Variants in MPPED1 observed in about 807,000 individuals in gnomAD.
MPPED1 encodes metallophosphoesterase domain-containing protein 1.
In MPPED1, 16 loss-of-function variants were observed where a neutral mutation model predicts 36.2. The observed-to-expected ratio is 0.44, with a 90% CI of 0.30 to 0.67. The LOEUF (loss-of-function observed/expected upper bound fraction) is 0.67. MPPED1 is among the 30% of genes least tolerant of loss of function. The pLI is 0.10. For synonymous variants in MPPED1, 199 were observed against 191.3 expected (o/e 1.04, Z -0.33); for missense variants, 307 against 453.4 (o/e 0.68, Z 2.93).
chr22:43,474,993 T>A lies in MPPED1; in HGVS notation c.632+32T>A. On this transcript the variant is annotated intron_variant, in intron 4 of 6. Transcript: ENST00000443721. This position sits in a 1 kb window ranked among gnomAD's most constrained non-coding sequence, Gnocchi z 5.2. ...GGGCCTGGGTGCTGGTCCTGCCTGCTGGTGAGACCAGAGCTGAGGCTGAGC... is the reference window on the plus strand; with the variant it reads ...GGGCCTGGGTGCTGGTCCTGCCTGCAGGTGAGACCAGAGCTGAGGCTGAGC... The A allele has an allele frequency of 6.3e-7, 1 of 1,597,134 alleles. No homozygotes were observed. The highest frequency in any genetic ancestry group is 8.6e-7 in the Non-Finnish European group (1 of 1,165,392).
chr22:43,431,431 G>C (rs1187317361), intron 2 of MPPED1, among the ~76,000 whole-genome samples: 1 of 151,994 alleles, frequency 6.6e-6, no homozygotes, highest in Non-Finnish European at 1.5e-5. Flanking sequence ...GGCCTCTGTG[G>C]GTGTCCCACC....
chr22:43,445,558 CTT>C (rs135055), intron 3 of MPPED1, among the ~76,000 whole-genome samples: 31 of 123,864 alleles, frequency 2.5e-4, no homozygotes, highest in Non-Finnish European at 2.9e-4. Context: ...CTGATGTTTC[CTT>C]TTTTTTTTTT....
rs553551664 is a variant in MPPED1 at position 43,440,953 on chromosome 22, C to T, written c.406+5738C>T. Among the ~76,000 whole-genome samples the T allele has an allele frequency of 3.3e-5, 5 of 152,280 alleles. No individual in the cohort carries two copies. The East Asian group carries it at 7.7e-4, about 24-fold the overall frequency. ...TTGTTCCTCATTCCCCTCCTGCCCA[C>T]TGAAGGGGGCTTCTCCTAGGGTCCA... On this transcript the variant is annotated intron_variant, in intron 3 of 6. Transcript: ENST00000443721.
Position 43,424,966 on chromosome 22 carries a change from G to C in MPPED1, c.-20G>C, listed in dbSNP as rs995667191. 6.4e-7 allele frequency: 1 copy of C among 1,562,400 alleles called. No homozygotes were observed. Among genetic ancestry groups the C allele is most frequent in the South Asian group, 1.2e-5 (1 of 85,496 alleles). ...GGTGGCGGCAGCGGTGGGAGATGCC[G>C]GGGCGGCCGGCGGAGGTCCATGTGG... On this transcript the variant is annotated 5_prime_UTR_variant, in exon 2 of 7. Transcript: ENST00000443721.
chr22:43,430,559 GGAA>G (rs1401587068), intron 2 of MPPED1, among the ~76,000 whole-genome samples: 1 of 152,164 alleles, frequency 6.6e-6, no homozygotes, highest in African/African-American at 2.4e-5. Flanking sequence ...GAATCCCATG[GGAA>G]GAAGATCGGT....
At chr22:43,497,373 G>A (rs1432396265) in intron 4 of MPPED1, among the ~76,000 whole-genome samples, 3 of 152,026 alleles carry the variant, frequency 2.0e-5, no homozygotes, top group Non-Finnish European at 4.4e-5. Context: ...ATTGGGAAGT[G>A]CTGAGGTAGG....
intron 4 of MPPED1, among the ~76,000 whole-genome samples, chr22:43,482,730 A>G (rs958562211): frequency 2.0e-5 from 3 of 152,194 alleles, no homozygotes; most frequent in African/African-American, 2.4e-5. Flanking sequence ...CACGGAAGCA[A>G]TATGGGTGGT....
chr22:43,442,144 T>C (rs1208320201), intron 3 of MPPED1, among the ~76,000 whole-genome samples: 1 of 151,908 alleles, frequency 6.6e-6, no homozygotes. Context: ...TCCAGTCTAC[T>C]CTCTGGCCTC....
chr22:43,448,186 TC>T (rs1470472507), intron 3 of MPPED1, among the ~76,000 whole-genome samples: 1 of 152,028 alleles, frequency 6.6e-6, no homozygotes, highest in Non-Finnish European at 1.5e-5. Flanking sequence ...ACTGCGCCCA[TC>T]CTGGGAATCA....
intron 3 of MPPED1, among the ~76,000 whole-genome samples, chr22:43,463,956 T>C (rs1931070982): frequency 1.3e-5 from 2 of 151,758 alleles, no homozygotes; most frequent in Admixed American, 1.3e-4. Context: ...TTGCCCAGGC[T>C]GGGGTGTAGT....
intron 3 of MPPED1, among the ~76,000 whole-genome samples, chr22:43,441,819 G>T (rs992194822): frequency 6.6e-6 from 1 of 152,214 alleles, no homozygotes; most frequent in Non-Finnish European, 1.5e-5. Flanking sequence ...TTTGGTTCTT[G>T]CCTCATTTGC....
rs1268810026 is a variant in MPPED1 at position 43,474,740 on chromosome 22, C to T, written c.411C>T (p.Ser137=). ...TGTCTGTGTCCACCCCTGCAGGCAGCCTGCCCTACGAGTACAAGATCGTGA... is the reference window on the plus strand; with the variant it reads ...TGTCTGTGTCCACCCCTGCAGGCAGTCTGCCCTACGAGTACAAGATCGTGA... The part of the protein sequence containing the change: ...EVKKFNEWLG[S]LPYEYKIVIA... The change falls in exon 4 of 7, where the codon AGC becomes AGT. Residue 137 remains serine, a synonymous_variant. Coordinates refer to ENST00000443721, the MANE Select transcript of MPPED1 (RefSeq NM_001044370.2). The surrounding 1 kb of genome is among the most constrained non-coding windows in gnomAD (Gnocchi z 5.2). 1 of 1,613,940 alleles carries T rather than the reference C, an allele frequency of 6.2e-7. No homozygotes were observed. Among genetic ancestry groups the T allele is most frequent in the Non-Finnish European group, 8.5e-7 (1 of 1,179,866 alleles).
intron 3 of MPPED1, among the ~76,000 whole-genome samples, chr22:43,450,088 G>T (rs984916450): frequency 6.6e-6 from 1 of 152,114 alleles, no homozygotes; most frequent in Non-Finnish European, 1.5e-5. Context: ...TCCTCGGTGG[G>T]ACCAGCCCCA....
At chr22:43,451,531 C>T (rs1002043636) in intron 3 of MPPED1, among the ~76,000 whole-genome samples, 3 of 152,150 alleles carry the variant, frequency 2.0e-5, no homozygotes, top group Admixed American at 6.5e-5. Flanking sequence ...CGCGGAAGGC[C>T]GTTTGGAGCT....
chr22:43,480,133 G>T (rs982099415), intron 4 of MPPED1, among the ~76,000 whole-genome samples: 10 of 152,160 alleles, frequency 6.6e-5, no homozygotes, highest in Non-Finnish European at 1.3e-4. Context: ...TAATGGTTTT[G>T]ACTTCCTTGT....
At chr22:43,485,480 T>C (rs1324481420) in intron 4 of MPPED1, among the ~76,000 whole-genome samples, 1 of 151,252 alleles carries the variant, frequency 6.6e-6, no homozygotes, top group African/African-American at 2.4e-5. Flanking sequence ...ACTCACACAG[T>C]CACACACATA....
At chr22:43,495,350 A>G (rs1602015578) in intron 4 of MPPED1, among the ~76,000 whole-genome samples, 6 of 71,712 alleles carry the variant, frequency 8.4e-5, no homozygotes, top group Admixed American at 1.4e-4. Context: ...GGAGGTGTTG[A>G]TGGAGGTGAT....
At chr22:43,490,338 T>A (rs988473448) in intron 4 of MPPED1, among the ~76,000 whole-genome samples, 2 of 152,220 alleles carry the variant, frequency 1.3e-5, no homozygotes, top group Non-Finnish European at 2.9e-5. Context: ...CAGCTCTGCC[T>A]GGGCCTCCCT....
intron 3 of MPPED1, among the ~76,000 whole-genome samples, chr22:43,452,742 C>T (rs1010301112): frequency 5.3e-5 from 8 of 151,826 alleles, no homozygotes; most frequent in Admixed American, 3.3e-4. Context: ...AATCTTCCCA[C>T]GTCAGCTTCC....
Sources: gnomAD v4.1 joint callset for allele counts (sites outside exome capture counted in the v4.1 genomes callset) on GRCh38, gnomAD v4.1.1 for gene constraint, Gnocchi (gnomAD v3.1) non-coding constraint, MANE v1.5 for transcripts, NCBI Gene and HGNC (gene_info 2026-07-23, HGNC 2026-07-21) for gene names.